The following DPP10 variants were observed in gnomAD, a reference collection of about 807,000 sequenced individuals.
The protein encoded by DPP10 is dipeptidyl peptidase like 10.
Under a neutral mutation model 120.9 loss-of-function variants are expected in DPP10, and 33 were observed. The observed-to-expected ratio is 0.27, with a 90% CI of 0.21 to 0.37. The LOEUF (loss-of-function observed/expected upper bound fraction) is 0.37, where lower values mean the gene tolerates loss of function less well. Among genes scored for constraint, DPP10 ranks in the 10% least tolerant of loss-of-function variants. The pLI is 1.00. For missense variants in DPP10, 816 were observed against 942.8 expected (o/e 0.87, Z 1.76); for synonymous variants, 337 against 326.1 (o/e 1.03, Z -0.36).
At chr2:115,122,256 A>G (rs1253400789) in intron 1 of DPP10, among the ~76,000 whole-genome samples, 1 of 152,150 alleles carries the variant, frequency 6.6e-6, no homozygotes, top group African/African-American at 2.4e-5. Flanking sequence ...AGAGAAGAGG[A>G]GGGCACCCTC....
Position 115,275,701 on chromosome 2 carries a change from C to CTTTTTTTT in DPP10, c.61-33529_61-33522dup, listed in dbSNP as rs72078308. 6.6e-4 allele frequency among the ~76,000 whole-genome samples: 87 copies of CTTTTTTTT among 131,830 alleles called. 1 individual carries two copies. Among genetic ancestry groups the CTTTTTTTT allele is most frequent in the Non-Finnish European group, 9.6e-4 (61 of 63,836 alleles). The allele number at this position is 131,830 out of a possible 152,430, so 86.5% of individuals were successfully genotyped here. A position where few individuals can be genotyped will look rare whatever the true frequency, so the allele number is the denominator to read the frequency against. ...TATTCTAGTAAATTTCTTTTCTTTTCTTTTTTTTTTTTTTTTGAGACGGAG... is the reference window on the plus strand; with the variant it reads ...TATTCTAGTAAATTTCTTTTCTTTTCTTTTTTTTTTTTTTTTTTTTTTTTGAGACGGAG... On this transcript the variant is annotated intron_variant, in intron 1 of 25. Transcript: ENST00000410059.
intron 1 of DPP10, among the ~76,000 whole-genome samples, chr2:114,924,409 C>A (rs764783112): frequency 6.6e-6 from 1 of 151,970 alleles, no homozygotes; most frequent in African/African-American, 2.4e-5. Context: ...TGCCGTTAAT[C>A]CCAGCTACTC....
At chr2:115,788,436 A>G (rs1321683404) in intron 17 of DPP10, among the ~76,000 whole-genome samples, 1 of 152,228 alleles carries the variant, frequency 6.6e-6, no homozygotes, top group African/African-American at 2.4e-5. Context: ...ATAGACTAGC[A>G]GTAGAGAAAA....
intron 5 of DPP10, among the ~76,000 whole-genome samples, chr2:115,614,793 G>A (rs1488230921): frequency 6.6e-6 from 1 of 152,144 alleles, no homozygotes; most frequent in Non-Finnish European, 1.5e-5. Flanking sequence ...TTATCATAGA[G>A]AGAAAACAGA....
At chr2:115,305,669 T>A (rs897365634) in intron 1 of DPP10, among the ~76,000 whole-genome samples, 1 of 151,958 alleles carries the variant, frequency 6.6e-6, no homozygotes, top group Non-Finnish European at 1.5e-5. Context: ...GCCCAGGAGT[T>A]TGAGGTTTCA....
intron 1 of DPP10, among the ~76,000 whole-genome samples, chr2:114,486,645 T>C (rs1681542543): frequency 6.6e-6 from 1 of 152,152 alleles, no homozygotes; most frequent in African/African-American, 2.4e-5. Flanking sequence ...AAATTATAGG[T>C]CAAAGGACTT....
chr2:114,759,270 T>A (rs1680066133), intron 1 of DPP10, among the ~76,000 whole-genome samples: 1 of 152,172 alleles, frequency 6.6e-6, no homozygotes, highest in African/African-American at 2.4e-5. Flanking sequence ...GTTAAACCAT[T>A]TGCAGTCTGA....
At chr2:115,202,761 G>A (rs2055830513) in intron 1 of DPP10, among the ~76,000 whole-genome samples, 1 of 152,174 alleles carries the variant, frequency 6.6e-6, no homozygotes, top group African/African-American at 2.4e-5. Flanking sequence ...TATGGCTAGT[G>A]TGACTGAATT....
chr2:115,021,627 T>C (rs1261222842), intron 1 of DPP10, among the ~76,000 whole-genome samples: 3 of 151,968 alleles, frequency 2.0e-5, no homozygotes, highest in East Asian at 3.9e-4. Context: ...TTCCAAAAGA[T>C]AGAGAAAGAG....
At chr2:114,834,292 G>A (rs980091827) in intron 1 of DPP10, among the ~76,000 whole-genome samples, 39 of 129,290 alleles carry the variant, frequency 3.0e-4, no homozygotes, top group African/African-American at 3.8e-4. Context: ...TATAAGCCAT[G>A]TCTACACACC....
chr2:115,343,293 A>G (rs936016156), intron 2 of DPP10, among the ~76,000 whole-genome samples: 1 of 152,132 alleles, frequency 6.6e-6, no homozygotes, highest in African/African-American at 2.4e-5. Flanking sequence ...AGTCAAATCT[A>G]CTTTGTATTT....
intron 1 of DPP10, among the ~76,000 whole-genome samples, chr2:114,604,311 C>T (rs912303805): frequency 6.6e-6 from 1 of 152,070 alleles, no homozygotes; most frequent in African/African-American, 2.4e-5. Context: ...ACTTTGCAAG[C>T]AGACCTTTAT....
chr2:114,507,460 A>C (rs532516223), intron 1 of DPP10, among the ~76,000 whole-genome samples: 1 of 152,356 alleles, frequency 6.6e-6, no homozygotes, highest in Non-Finnish European at 1.5e-5. Flanking sequence ...GTTATAGTTC[A>C]CATAATAGGA....
chr2:115,695,799 G>C (rs565641889), intron 7 of DPP10, among the ~76,000 whole-genome samples: 1 of 152,194 alleles, frequency 6.6e-6, no homozygotes, highest in East Asian at 1.9e-4. Flanking sequence ...AGGAAGTATG[G>C]CCCACTCAAA....
chr2:115,348,674 CTGA>C (rs1233271812), intron 3 of DPP10, among the ~76,000 whole-genome samples: 1 of 151,958 alleles, frequency 6.6e-6, no homozygotes, highest in Admixed American at 6.6e-5. Context: ...CAAAATTTAT[CTGA>C]TGGAGTATAA....
chr2:115,535,552 C>A (rs2078767914), intron 5 of DPP10, among the ~76,000 whole-genome samples: 1 of 150,830 alleles, frequency 6.6e-6, no homozygotes, highest in South Asian at 2.1e-4. Context: ...AGTGTGATGC[C>A]TCCAGCTTTG....
chr2:114,531,623 C>T (rs1172674194), intron 1 of DPP10, among the ~76,000 whole-genome samples: 1 of 135,876 alleles, frequency 7.4e-6, no homozygotes, highest in Non-Finnish European at 1.7e-5. Flanking sequence ...TACCTATACA[C>T]ACATATCTCC....
chr2:115,366,046 G>A (rs1489828697), intron 3 of DPP10, among the ~76,000 whole-genome samples: 1 of 151,954 alleles, frequency 6.6e-6, no homozygotes, highest in African/African-American at 2.4e-5. Context: ...TAAAGAAAAA[G>A]GACACCATCA....
intron 1 of DPP10, among the ~76,000 whole-genome samples, chr2:115,029,077 G>T (rs1050322232): frequency 6.6e-6 from 1 of 151,950 alleles, no homozygotes; most frequent in Non-Finnish European, 1.5e-5. Flanking sequence ...ATGAATAAAG[G>T]CTTATTATTG....
Sources: gnomAD v4.1 joint callset for allele counts (sites outside exome capture counted in the v4.1 genomes callset) on GRCh38, gnomAD v4.1.1 for gene constraint, MANE v1.5 for transcripts, NCBI Gene and HGNC (gene_info 2026-07-23, HGNC 2026-07-21) for gene names.